XIRP2: variants seen among roughly 807,000 people sequenced by gnomAD.
The protein encoded by XIRP2 is xin actin binding repeat containing 2.
Under a neutral mutation model 277.0 loss-of-function variants are expected in XIRP2, and 236 were observed. That is an observed-to-expected ratio of 0.85 (90% CI 0.77 to 0.95). The LOEUF is 0.95. XIRP2 is among the 40% of genes least tolerant of loss of function. The pLI is 0.00. For missense variants in XIRP2, 4,640 were observed against 4,157.5 expected, an observed-to-expected ratio of 1.12 and a Z score of -3.19; for synonymous variants, 1,490 against 1,416.5, an observed-to-expected ratio of 1.05 and a Z score of -1.17.
chr2:167,198,768 C>T (rs1693596250), intron 3 of XIRP2, among the ~76,000 whole-genome samples: 1 of 152,188 alleles, frequency 6.6e-6, no homozygotes, highest in South Asian at 2.1e-4. Flanking sequence ...AGCATTTTCA[C>T]TTTCCTTCTT....
chr2:167,002,705 A>G (rs1229852443), intron 2 of XIRP2, among the ~76,000 whole-genome samples: 1 of 151,960 alleles, frequency 6.6e-6, no homozygotes, highest in Non-Finnish European at 1.5e-5. Flanking sequence ...AAATTCTTTG[A>G]AAGTAATAAA....
intron 2 of XIRP2, among the ~76,000 whole-genome samples, chr2:167,024,299 A>AT (rs1214229361): frequency 2.4e-4 from 37 of 152,190 alleles, no homozygotes; most frequent in Middle Eastern, 3.4e-3. Context: ...TTGTACATTG[A>AT]TTTTATATCC....
At chr2:166,894,813 A>C (rs1246903947) in intron 1 of XIRP2, among the ~76,000 whole-genome samples, 1 of 152,190 alleles carries the variant, frequency 6.6e-6, no homozygotes, top group African/African-American at 2.4e-5. Flanking sequence ...AAATAGCTAC[A>C]CAAACAAATG....
intron 2 of XIRP2, among the ~76,000 whole-genome samples, chr2:167,026,572 T>A (rs557569456): frequency 6.6e-6 from 1 of 152,234 alleles, no homozygotes; most frequent in Non-Finnish European, 1.5e-5. Flanking sequence ...CATTTTGGCA[T>A]GTTTTTGCAG....
chr2:167,057,675 G>A (rs1689070351), intron 2 of XIRP2, among the ~76,000 whole-genome samples: 1 of 152,102 alleles, frequency 6.6e-6, no homozygotes. Context: ...AATCACTTGG[G>A]CTTAAAATAA....
chr2:167,045,740 G>A (rs752413694), intron 2 of XIRP2, among the ~76,000 whole-genome samples: 7 of 151,996 alleles, frequency 4.6e-5, no homozygotes, highest in Non-Finnish European at 8.8e-5. Context: ...AATACATGTC[G>A]GCAAGGAGAA....
Position 167,245,307 on chromosome 2 carries a change from A to T in XIRP2, c.3915A>T (p.Ile1305=). Reference sequence around the variant, plus strand: ...AGAAAACAATTACTGAAGAAGTAATACAGGGTGATGTAAAAAGCTACAGAA... The same window carrying T: ...AGAAAACAATTACTGAAGAAGTAATTCAGGGTGATGTAAAAAGCTACAGAA... ...STKKTITEEV[I]QGDVKSYRML... is the part of the protein sequence containing the mutation. The change falls in exon 9 of 11, where the codon ATA becomes ATT. Residue 1305 remains isoleucine, a synonymous_variant. Transcript: ENST00000409195. 1 of 1,613,742 alleles carries T rather than the reference A, an allele frequency of 6.2e-7. No homozygotes were observed. The highest frequency in any genetic ancestry group is 8.5e-7 in the Non-Finnish European group (1 of 1,179,752).
intron 2 of XIRP2, among the ~76,000 whole-genome samples, chr2:167,109,577 T>C (rs1402826179): frequency 1.3e-5 from 2 of 152,174 alleles, no homozygotes; most frequent in Non-Finnish European, 2.9e-5. Flanking sequence ...CACTGTGCCC[T>C]GGCCAACCAC....
chr2:166,951,371 T>C (rs1258615256), intron 2 of XIRP2, among the ~76,000 whole-genome samples: 4 of 151,718 alleles, frequency 2.6e-5, no homozygotes, highest in African/African-American at 9.7e-5. Flanking sequence ...GGAACAAGCA[T>C]GTCACATGGC....
At chr2:167,120,313 C>A (rs1303855773) in intron 2 of XIRP2, among the ~76,000 whole-genome samples, 1 of 152,132 alleles carries the variant, frequency 6.6e-6, no homozygotes, top group Non-Finnish European at 1.5e-5. Flanking sequence ...CTTGAATAAG[C>A]TTTCTTTGGC....
intron 3 of XIRP2, among the ~76,000 whole-genome samples, chr2:167,201,190 GAAAGAAAGAAAGAA>G (rs1430197407): frequency 2.4e-3 from 27 of 11,076 alleles, no homozygotes; most frequent in East Asian, 0.019. Context: ...GAGAGAGAGA[GAAAGAAAGAAAGAA>G]AGAAAGAAAG....
chr2:167,136,742 A>T (rs1034359627), intron 3 of XIRP2, among the ~76,000 whole-genome samples: 1 of 152,222 alleles, frequency 6.6e-6, no homozygotes, highest in Admixed American at 6.5e-5. Context: ...TTTCCTCTTT[A>T]GCCAAATAAT....
chr2:166,890,505 T>A (rs1684075269), intron 1 of XIRP2, among the ~76,000 whole-genome samples: 1 of 152,204 alleles, frequency 6.6e-6, no homozygotes, highest in Non-Finnish European at 1.5e-5. Flanking sequence ...CTGAACAGAC[T>A]GTAAATCCCT....
chr2:167,155,650 C>G (rs374851483), intron 3 of XIRP2, among the ~76,000 whole-genome samples: 73 of 151,914 alleles, frequency 4.8e-4, no homozygotes, highest in African/African-American at 1.3e-3. Context: ...ATACTGAATG[C>G]GCAAAAACTG....
chr2:167,041,351 A>C (rs1207488580), intron 2 of XIRP2, among the ~76,000 whole-genome samples: 1 of 152,186 alleles, frequency 6.6e-6, no homozygotes, highest in Non-Finnish European at 1.5e-5. Flanking sequence ...CAGACATAGA[A>C]TCCAGAATCT....
rs370500035 is a variant in XIRP2, at chr2:167,245,216, G to T, written c.3824G>T (p.Gly1275Val). 9.9e-6 allele frequency: 16 copies of T among 1,613,476 alleles called. No homozygotes were observed. The African/African-American group carries it at 1.9e-4, about 19-fold the overall frequency. The change falls in exon 9 of 11, where the codon GGG (glycine) becomes GTG (valine). Residue 1275 changes from glycine to valine, a missense_variant. Gly to Val is a moderately radical substitution (Grantham distance 109, BLOSUM62 -3). Coordinates refer to ENST00000409195, the MANE Select transcript of XIRP2 (RefSeq NM_152381.6). ...TDIQGGDVRK[G>V]CFIFETFSLD... ...ATACAAGGTGGGGATGTAAGAAAGGGGTGCTTTATTTTTGAGACTTTTTCT... is the reference window on the plus strand; with the variant it reads ...ATACAAGGTGGGGATGTAAGAAAGGTGTGCTTTATTTTTGAGACTTTTTCT...
At chr2:167,153,653 A>G (rs4502379) in intron 3 of XIRP2, among the ~76,000 whole-genome samples, 41,020 of 150,916 alleles carry the variant, frequency 0.27, 7,037 homozygotes, top group African/African-American at 0.5. Flanking sequence ...GTGAGAATGT[A>G]CGGTGTTTGG....
intron 3 of XIRP2, among the ~76,000 whole-genome samples, chr2:167,164,213 G>A (rs1674261144): frequency 6.6e-6 from 1 of 151,982 alleles, no homozygotes; most frequent in African/African-American, 2.4e-5. Context: ...GGCCGAGGCA[G>A]GTGGATCACA....
At chr2:166,968,823 C>A (rs1040326406) in intron 2 of XIRP2, among the ~76,000 whole-genome samples, 1 of 151,784 alleles carries the variant, frequency 6.6e-6, no homozygotes, top group African/African-American at 2.4e-5. Context: ...AAACAAAACA[C>A]AATGATGCTA....
Sources: allele counts gnomAD v4.1 joint callset (sites outside exome capture counted in the v4.1 genomes callset), GRCh38; gene constraint gnomAD v4.1.1; transcripts MANE v1.5; gene names NCBI Gene and HGNC (gene_info 2026-07-23, HGNC 2026-07-21).